Variants in ONECUT1 observed in about 807,000 individuals in gnomAD.
ONECUT1 encodes the protein hepatocyte nuclear factor 6.
ONECUT1 carries 12 observed loss-of-function variants against 25.6 expected under a neutral mutation model. The observed-to-expected ratio is 0.47, with a 90% confidence interval of 0.30 to 0.76. ONECUT1 has a LOEUF of 0.76. Ranked by LOEUF, ONECUT1 falls within the 30% of genes least tolerant of loss-of-function variation. The pLI is 0.07. For synonymous variants in ONECUT1, 285 were observed against 270.2 expected (o/e 1.05, Z -0.54); for missense variants, 620 against 651.2 (o/e 0.95, Z 0.52).
intron 1 of ONECUT1, among the ~76,000 whole-genome samples, chr15:52,777,751 A>C (rs2083813503): frequency 6.8e-6 from 1 of 147,914 alleles, no homozygotes; most frequent in African/African-American, 2.5e-5. Context: ...AAAACATGTA[A>C]AGTTATTTGT....
rs776607333 is a variant in ONECUT1 at position 52,757,683 on chromosome 15, A to G, written c.1270T>C (p.Leu424=). 2 of 1,613,638 alleles carry G rather than the reference A, an allele frequency of 1.2e-6. No homozygotes were observed. Among genetic ancestry groups the G allele is most frequent in the African/African-American group, 1.3e-5 (1 of 74,776 alleles). The change falls in exon 2 of 2, where the codon TTG becomes CTG. Residue 424 remains leucine, a synonymous_variant. Coordinates refer to ENST00000305901, the MANE Select transcript of ONECUT1 (RefSeq NM_004498.4). ...LQITISQQLG[L]ELSTVSNFFM... is the part of the protein sequence containing the mutation. ...AAGTTGCTGACAGTGCTCAGCTCCA[A>G]CCCCAGCTGCTGGGAAATGGTGATT...
chr15:52,779,601 A>G (rs1479543449), intron 1 of ONECUT1, among the ~76,000 whole-genome samples: 2 of 152,184 alleles, frequency 1.3e-5, no homozygotes, highest in African/African-American at 4.8e-5. Context: ...TTGTCCTTGG[A>G]TCATTCCCCA....
Position 52,789,886 on chromosome 15 carries a change from G to T in ONECUT1, c.-2C>A. ...TTCCATGGTCAGCTGCGCGTTCATCGTGATCCGGGCGAGCAGGCGGCGGAC... is the reference window on the plus strand; with the variant it reads ...TTCCATGGTCAGCTGCGCGTTCATCTTGATCCGGGCGAGCAGGCGGCGGAC... On this transcript the variant is annotated 5_prime_UTR_variant, in exon 1 of 2. Transcript: ENST00000305901. The surrounding 1 kb of genome is among the most constrained non-coding windows in gnomAD (Gnocchi z 4.1). 1 of 1,531,230 alleles carries T rather than the reference G, an allele frequency of 6.5e-7. No homozygotes were observed. Among genetic ancestry groups the T allele is most frequent in the Non-Finnish European group, 8.7e-7 (1 of 1,149,766 alleles). The allele number at this position is 1,531,230 out of a possible 1,614,324, so 94.9% of individuals were successfully genotyped here.
At chr15:52,769,048 C>T (rs577389880) in intron 1 of ONECUT1, among the ~76,000 whole-genome samples, 1 of 152,222 alleles carries the variant, frequency 6.6e-6, no homozygotes, top group East Asian at 1.9e-4. Flanking sequence ...ATCCCTACTA[C>T]TTTGCTCAAG....
chr15:52,773,870 T>C (rs2083783275), intron 1 of ONECUT1, among the ~76,000 whole-genome samples: 1 of 152,178 alleles, frequency 6.6e-6, no homozygotes, highest in Admixed American at 6.5e-5. Flanking sequence ...CAATCATAAA[T>C]GGATAATGAG....
At chr15:52,780,529 C>A in intron 1 of ONECUT1, 1 of 1,434,868 alleles carries the variant, frequency 7.0e-7, no homozygotes, top group South Asian at 1.2e-5. Context: ...AGAATTTAAT[C>A]ACTTTAACTG....
At chr15:52,785,085 G>A (rs1240738532) in intron 1 of ONECUT1, among the ~76,000 whole-genome samples, 3 of 152,344 alleles carry the variant, frequency 2.0e-5, no homozygotes, top group Non-Finnish European at 2.9e-5. Flanking sequence ...CGTCCCACAC[G>A]CCCAGTCCTG....
At chr15:52,775,314 G>A (rs1462264861) in intron 1 of ONECUT1, among the ~76,000 whole-genome samples, 1 of 152,104 alleles carries the variant, frequency 6.6e-6, no homozygotes, top group East Asian at 1.9e-4. Context: ...TCATTACTCA[G>A]ATAATTGCAC....
chr15:52,782,854 A>T (rs1199116579), intron 1 of ONECUT1, among the ~76,000 whole-genome samples: 6 of 152,240 alleles, frequency 3.9e-5, no homozygotes, highest in African/African-American at 1.4e-4. Flanking sequence ...GGACTTTACA[A>T]AGAGCACAAG....
chr15:52,785,143 A>T (rs990057754), intron 1 of ONECUT1, among the ~76,000 whole-genome samples: 1 of 152,370 alleles, frequency 6.6e-6, no homozygotes, highest in South Asian at 2.1e-4. Context: ...GGCTCTGCCT[A>T]GGGCCCCGCA....
In ONECUT1 at chr15:52,755,521, G is replaced by A. The variant is rs1462152954; in HGVS notation, c.*2034C>T. On this transcript the variant is annotated 3_prime_UTR_variant, in exon 2 of 2. Coordinates refer to ENST00000305901, the MANE Select transcript of ONECUT1 (RefSeq NM_004498.4). The stretch of plus-strand genomic sequence containing the variant: ...ATATGTTGGTTTCCTCTTCTCATTC[G>A]ACAGCAGACATGAAGGAGACACAGA... Among the ~76,000 whole-genome samples the A allele has an allele frequency of 6.6e-6, 1 of 152,112 alleles. No homozygotes were observed. The highest frequency in any genetic ancestry group is 1.5e-5 in the Non-Finnish European group (1 of 68,022).
chr15:52,776,364 A>G (rs1192517102), intron 1 of ONECUT1, among the ~76,000 whole-genome samples: 2 of 150,776 alleles, frequency 1.3e-5, no homozygotes, highest in Admixed American at 6.6e-5. Context: ...AGCCTGTTCC[A>G]TTTCCATTTT....
In ONECUT1 at chr15:52,790,307, G is replaced by A. The variant is rs1010685225; in HGVS notation, c.-423C>T. 6.6e-6 allele frequency among the ~76,000 whole-genome samples: 1 copy of A among 151,358 alleles called. No individual in the cohort carries two copies. The highest frequency in any genetic ancestry group is 2.4e-5 in the African/African-American group (1 of 41,320). On this transcript the variant is annotated 5_prime_UTR_variant, in exon 1 of 2. Transcript: ENST00000305901. ...CGTCTGCTGCCTGCCCGCCCCGCTG[G>A]CCAGCTTGAGCCATGGCTCTGTTAC...
rs2083679195 is a variant in ONECUT1, at chr15:52,757,401, T to A, written c.*154A>T. ...TCTCCAAACAAAGTCAGAATGCAGG[T>A]GAGCTAAGTCTTTGGTTTCTTTGGA... On this transcript the variant is annotated 3_prime_UTR_variant, in exon 2 of 2. Transcript: ENST00000305901. The A allele has an allele frequency of 1.2e-6, 1 of 818,512 alleles. No homozygotes were observed. Among genetic ancestry groups the A allele is most frequent in the African/African-American group, 1.7e-5 (1 of 57,534 alleles). The allele number at this position is 818,512 out of a possible 1,614,324, so 50.7% of individuals were successfully genotyped here.
In ONECUT1 at chr15:52,790,281, G is replaced by C. The variant is rs1304942557; in HGVS notation, c.-397C>G. Among the ~76,000 whole-genome samples the C allele has an allele frequency of 1.3e-5, 2 of 151,138 alleles. No individual in the cohort carries two copies. The highest frequency in any genetic ancestry group is 3.9e-4 in the East Asian group (2 of 5,104). ...CCCTGCCGCGGCCCGCGCGCCTGCC[G>C]CGTCTGCTGCCTGCCCGCCCCGCTG... On this transcript the variant is annotated 5_prime_UTR_variant, in exon 1 of 2. Transcript: ENST00000305901.
intron 1 of ONECUT1, among the ~76,000 whole-genome samples, chr15:52,762,284 C>T (rs1007302150): frequency 1.3e-5 from 2 of 152,192 alleles, no homozygotes; most frequent in African/African-American, 4.8e-5. Flanking sequence ...AAGAATGATA[C>T]TCTCTCAAAC....
chr15:52,758,955 A>C (rs2083689666), intron 1 of ONECUT1, among the ~76,000 whole-genome samples: 1 of 152,096 alleles, frequency 6.6e-6, no homozygotes, highest in Non-Finnish European at 1.5e-5. Context: ...ATACAACCCA[A>C]GTAAAAATAG....
In ONECUT1 at chr15:52,784,785, C is replaced by G. The variant is rs2083863192; in HGVS notation, c.1105+3995G>C. ...TGTGTGAGGGTCCCCAGTTGACTAC[C>G]GGGATGCACTGCCACTTTTCGGCCT... On this transcript the variant is annotated intron_variant, in intron 1 of 1. Coordinates refer to ENST00000305901, the MANE Select transcript of ONECUT1 (RefSeq NM_004498.4). The surrounding 1 kb of genome is among the most constrained non-coding windows in gnomAD (Gnocchi z 5.0). Among the ~76,000 whole-genome samples, 2 of 152,212 alleles carry G rather than the reference C, an allele frequency of 1.3e-5. No homozygotes were observed. The highest frequency in any genetic ancestry group is 2.9e-5 in the Non-Finnish European group (2 of 68,032).
intron 1 of ONECUT1, among the ~76,000 whole-genome samples, chr15:52,771,935 GAGA>G (rs1171936557): frequency 1.3e-5 from 2 of 152,226 alleles, no homozygotes; most frequent in African/African-American, 2.4e-5. Flanking sequence ...TCTGTGCTTT[GAGA>G]AGAATACCAG....
Sources: gnomAD v4.1 joint callset for allele counts (sites outside exome capture counted in the v4.1 genomes callset) on GRCh38, gnomAD v4.1.1 for gene constraint, Gnocchi (gnomAD v3.1) non-coding constraint, MANE v1.5 for transcripts, NCBI Gene and HGNC (gene_info 2026-07-23, HGNC 2026-07-21) for gene names.